RREB1: variants seen among roughly 807,000 people sequenced by gnomAD.
RREB1 encodes the protein ras-responsive element-binding protein 1.
In RREB1, 27 loss-of-function variants were observed where a neutral mutation model predicts 117.8. The ratio of observed to expected loss-of-function variants is 0.23; its 90% confidence interval spans 0.17 to 0.32. The LOEUF (loss-of-function observed/expected upper bound fraction) is 0.32, where lower values mean the gene tolerates loss of function less well. RREB1 is among the 10% of genes least tolerant of loss of function. The probability of loss-of-function intolerance (pLI) is 1.00; values close to 1 mark genes in which losing one functional copy is unlikely to be tolerated. For synonymous variants in RREB1, 1,298 were observed against 1,026.7 expected, an observed-to-expected ratio of 1.26 and a Z score of -5.05; for missense variants, 2,577 against 2,378.2, an observed-to-expected ratio of 1.08 and a Z score of -1.74.
intron 6 of RREB1, among the ~76,000 whole-genome samples, chr6:7,189,974 C>G (rs575460641): frequency 2.6e-5 from 4 of 152,170 alleles, no homozygotes; most frequent in Non-Finnish European, 5.9e-5. Flanking sequence ...TTCCATATTC[C>G]TGTCCAGTCC....
intron 6 of RREB1, among the ~76,000 whole-genome samples, chr6:7,195,758 A>C (rs774104649): frequency 6.6e-6 from 1 of 152,096 alleles, no homozygotes; most frequent in Non-Finnish European, 1.5e-5. Flanking sequence ...GGATCAGAGA[A>C]CCTCTGCCTC....
rs56261805 is a variant in RREB1, at chr6:7,243,893, G to GAA, written c.3974-2520_3974-2519dup. 8.1e-3 allele frequency among the ~76,000 whole-genome samples: 1,181 copies of GAA among 145,152 alleles called. 15 individuals carry two copies. The highest frequency in any genetic ancestry group is 0.025 in the African/African-American group (982 of 39,860). ...GTTAAAATAATGCATGTTCTTTGCT[G>GAA]AAAAAAAAAAAATAGAAGTGTAGTC... On this transcript the variant is annotated intron_variant, in intron 11 of 12. Coordinates refer to ENST00000379938, the MANE Select transcript of RREB1 (RefSeq NM_001003699.4).
rs188895698 is a variant in RREB1, at chr6:7,161,754, C to G, written c.-284-14901C>G. On this transcript the variant is annotated intron_variant, in intron 1 of 12. Coordinates refer to ENST00000379938, the MANE Select transcript of RREB1 (RefSeq NM_001003699.4). ...TGGGAGCTCTCTTCCTAACTCCTGC[C>G]CTTCATTCTCGACGCCTGCCTGGCC... Among the ~76,000 whole-genome samples, 828 of 152,284 alleles carry G rather than the reference C, an allele frequency of 5.4e-3. 5 individuals are homozygous for G. The highest frequency in any genetic ancestry group is 7.7e-3 in the Non-Finnish European group (523 of 68,012).
intron 1 of RREB1, among the ~76,000 whole-genome samples, chr6:7,158,197 G>C (rs968188078): frequency 6.6e-6 from 1 of 151,964 alleles, no homozygotes; most frequent in African/African-American, 2.4e-5. Flanking sequence ...AGTGCCCCAG[G>C]ACACTTGCCT....
chr6:7,200,244 ATGTGTGTGTGTGTGTGTGTG>A (rs70978945), intron 6 of RREB1, among the ~76,000 whole-genome samples: 5 of 129,358 alleles, frequency 3.9e-5, no homozygotes, highest in Non-Finnish European at 6.4e-5. Context: ...ATGTGTGTAT[ATGTGTGTGTGTGTGTGTGTG>A]TGTGTGTGTG....
rs573314081 is a variant in RREB1, at chr6:7,195,421, C to T, written c.425+6099C>T. Among the ~76,000 whole-genome samples the T allele has an allele frequency of 3.3e-5, 5 of 152,106 alleles. No individual in the cohort carries two copies. In the East Asian group the frequency reaches 5.8e-4, roughly 18 times the overall value. ...AGAGAATGGAGTTAGATTTATTTGC[C>T]CCGGTGGATCTGTTCCAGAATCTGA... On this transcript the variant is annotated intron_variant, in intron 6 of 12. Coordinates refer to ENST00000379938, the MANE Select transcript of RREB1 (RefSeq NM_001003699.4).
chr6:7,166,383 A>G (rs1362975921), intron 1 of RREB1, among the ~76,000 whole-genome samples: 4 of 152,222 alleles, frequency 2.6e-5, no homozygotes, highest in African/African-American at 9.6e-5. Flanking sequence ...AACCACTTAT[A>G]TCTCAGAGCA....
At chr6:7,150,525 C>A (rs956988479) in intron 1 of RREB1, among the ~76,000 whole-genome samples, 6 of 151,938 alleles carry the variant, frequency 3.9e-5, no homozygotes, top group Admixed American at 3.9e-4. Context: ...GATTGCTATG[C>A]TGAAGGTAGA....
chr6:7,125,987 T>G (rs900739768), intron 1 of RREB1, among the ~76,000 whole-genome samples: 2 of 150,806 alleles, frequency 1.3e-5, no homozygotes, highest in East Asian at 3.9e-4. Context: ...AAGGACTGTT[T>G]TTTGTTTGTT....
At chr6:7,224,058 A>C (rs906859129) in intron 8 of RREB1, among the ~76,000 whole-genome samples, 2 of 152,174 alleles carry the variant, frequency 1.3e-5, no homozygotes, top group African/African-American at 4.8e-5. Flanking sequence ...GTTGCTGTCA[A>C]ATTTAGGCTA....
At chr6:7,108,323 T>TCCTCCTCCTCCTCCTCCTCCTCCC (rs1760934191) in intron 1 of RREB1, among the ~76,000 whole-genome samples, 1 of 150,936 alleles carries the variant, frequency 6.6e-6, no homozygotes, top group African/African-American at 2.4e-5. Flanking sequence ...CCATTCCTCC[T>TCCTCCTCCTCCTCCTCCTCCTCCC]CCTCCTCCTC....
At chr6:7,120,071 A>G (rs1459632542) in intron 1 of RREB1, among the ~76,000 whole-genome samples, 1 of 152,094 alleles carries the variant, frequency 6.6e-6, no homozygotes, top group Non-Finnish European at 1.5e-5. Context: ...TACCTTTTAA[A>G]GAGCTATATT....
chr6:7,136,755 T>C (rs1762363670), intron 1 of RREB1, among the ~76,000 whole-genome samples: 1 of 152,234 alleles, frequency 6.6e-6, no homozygotes, highest in Non-Finnish European at 1.5e-5. Context: ...CATAAATATC[T>C]TTATTCAGGA....
Position 7,238,027 on chromosome 6 carries a change from C to T in RREB1, c.3809-2411C>T, listed in dbSNP as rs138144781. ...GAGTAAACCATGTGACAGGGGGGAG[C>T]GAGAAGCCGATTGTTTTCTTTGAAA... On this transcript the variant is annotated intron_variant, in intron 10 of 12. Coordinates refer to ENST00000379938, the MANE Select transcript of RREB1 (RefSeq NM_001003699.4). 3.3e-4 allele frequency among the ~76,000 whole-genome samples: 51 copies of T among 152,278 alleles called. 1 individual carries two copies. The East Asian group carries it at 9.3e-3, about 28-fold the overall frequency.
chr6:7,202,900 G>A (rs1766065486), intron 6 of RREB1, among the ~76,000 whole-genome samples: 2 of 152,134 alleles, frequency 1.3e-5, no homozygotes, highest in African/African-American at 2.4e-5. Context: ...CAACTTCTGA[G>A]GTCTTTTGTT....
chr6:7,244,532 C>T (rs1373365678), intron 11 of RREB1, among the ~76,000 whole-genome samples: 1 of 152,204 alleles, frequency 6.6e-6, no homozygotes, highest in African/African-American at 2.4e-5. Flanking sequence ...AAACGAACAT[C>T]TAGTTTTTCC....
intron 1 of RREB1, among the ~76,000 whole-genome samples, chr6:7,118,951 C>T (rs766159775): frequency 1.3e-5 from 2 of 151,252 alleles, no homozygotes; most frequent in East Asian, 3.9e-4. Context: ...ACCTGGCCTC[C>T]CATGGTGTTA....
chr6:7,211,369 T>G (rs1766590768), intron 7 of RREB1, among the ~76,000 whole-genome samples: 1 of 151,694 alleles, frequency 6.6e-6, no homozygotes, highest in East Asian at 1.9e-4. Context: ...GATGGATGGA[T>G]GGATGGATGG....
At position 7,248,492 on chromosome 6, in the gene RREB1, CT is replaced by C; in HGVS notation, c.4772-16del. On this transcript the variant is annotated intron_variant, in intron 12 of 12. Coordinates refer to ENST00000379938, the MANE Select transcript of RREB1 (RefSeq NM_001003699.4). ...TGGTGCCTTTTGGTTAATGGAAATT[CT>C]TTCTTCCATTGTTCCAGGGGAAAGG... 1 of 1,608,186 alleles carries C rather than the reference CT, an allele frequency of 6.2e-7. No homozygotes were observed.
Sources: gnomAD v4.1 joint callset for allele counts (sites outside exome capture counted in the v4.1 genomes callset) on GRCh38, gnomAD v4.1.1 for gene constraint, MANE v1.5 for transcripts, NCBI Gene and HGNC (gene_info 2026-07-23, HGNC 2026-07-21) for gene names.